LRBA: variants seen among roughly 807,000 people sequenced by gnomAD.
The protein encoded by LRBA is LPS responsive beige-like anchor protein, also known as lipopolysaccharide-responsive and beige-like anchor protein.
LRBA carries 176 observed loss-of-function variants against 330.0 expected under a neutral mutation model. That is an observed-to-expected ratio of 0.53 (90% CI 0.47 to 0.60). The LOEUF is 0.60. Ranked by LOEUF, LRBA falls within the 20% of genes least tolerant of loss-of-function variation. LRBA has a pLI of 0.00. For missense variants in LRBA, 3,259 were observed against 3,444.8 expected (o/e 0.95, Z 1.35); for synonymous variants, 1,230 against 1,193.0 (o/e 1.03, Z -0.64).
At position 150,900,226 on chromosome 4, in the gene LRBA, T is replaced by C. The variant is rs751130234; in HGVS notation, c.1756-9A>G. The C allele has an allele frequency of 2.5e-6, 4 of 1,596,060 alleles. No homozygotes were observed. The South Asian group carries it at 4.5e-5, about 18-fold the overall frequency. ...TAGAGCATCAGTTGAACCTACAGAA[T>C]AAAAATGAAGAACTTAGAGAACCCC... On this transcript the variant is annotated splice_polypyrimidine_tract_variant and intron_variant, in intron 13 of 56. Coordinates refer to ENST00000651943, the MANE Select transcript of LRBA (RefSeq NM_001364905.1).
intron 47 of LRBA, among the ~76,000 whole-genome samples, chr4:150,367,808 C>T (rs562943464): frequency 3.3e-5 from 5 of 152,100 alleles, no homozygotes; most frequent in Non-Finnish European, 5.9e-5. Context: ...AATGTCTATC[C>T]GAATGTTTTA....
intron 2 of LRBA, among the ~76,000 whole-genome samples, chr4:150,983,485 G>A (rs184020314): frequency 1.3e-4 from 17 of 132,902 alleles, no homozygotes; most frequent in Admixed American, 2.6e-4. Context: ...ATGGAGTCTC[G>A]CTCTGTCACC....
chr4:150,797,970 C>A, intron 34 of LRBA, 111 bp downstream of exon 34: 1 of 661,456 alleles, frequency 1.5e-6, no homozygotes, highest in South Asian at 2.2e-5. Context: ...AAACAGCAAA[C>A]TCACAATTTT....
chr4:150,418,343 C>T (rs180725795), intron 46 of LRBA, among the ~76,000 whole-genome samples: 38 of 152,210 alleles, frequency 2.5e-4, no homozygotes, highest in Non-Finnish European at 4.7e-4. Context: ...TTAATATTGA[C>T]ACCTTAACCT....
intron 53 of LRBA, among the ~76,000 whole-genome samples, chr4:150,292,707 A>G (rs1728470126): frequency 6.6e-6 from 1 of 152,212 alleles, no homozygotes; most frequent in Non-Finnish European, 1.5e-5. Flanking sequence ...GGAAAGGAGT[A>G]AAACACAGCC....
chr4:150,595,418 A>G (rs1773382562), intron 38 of LRBA, among the ~76,000 whole-genome samples: 1 of 152,062 alleles, frequency 6.6e-6, no homozygotes, highest in South Asian at 2.1e-4. Flanking sequence ...ATGATCTGTC[A>G]TCCCTAGAAA....
At chr4:150,696,844 C>A (rs199567652) in intron 36 of LRBA, among the ~76,000 whole-genome samples, 100 of 137,790 alleles carry the variant, frequency 7.3e-4, no homozygotes, top group Middle Eastern at 3.6e-3. Context: ...CCCATCTCCA[C>A]AAAAAAAAAA....
At chr4:150,851,032 GAGAA>G (rs1205990801) in intron 23 of LRBA, 130 bp from the exon 24 acceptor site, 3 of 576,832 alleles carry the variant, frequency 5.2e-6, no homozygotes, top group Non-Finnish European at 8.9e-6. Flanking sequence ...AACCAAATTA[GAGAA>G]AGAAAAATTA....
At chr4:150,924,532 A>C (rs1733680875) in intron 4 of LRBA, among the ~76,000 whole-genome samples, 1 of 152,062 alleles carries the variant, frequency 6.6e-6, no homozygotes, top group African/African-American at 2.4e-5. Context: ...AGAAAGAGGA[A>C]AAGAAAAAGA....
intron 9 of LRBA, 102 bp downstream of exon 9, chr4:150,914,093 C>CTTTTTT: frequency 1.4e-6 from 1 of 720,492 alleles, no homozygotes; most frequent in Non-Finnish European, 2.1e-6. Flanking sequence ...TCTCATTTTT[C>CTTTTTT]TTTTTTTTTT....
intron 46 of LRBA, among the ~76,000 whole-genome samples, chr4:150,430,884 G>C (rs1344346119): frequency 3.3e-5 from 5 of 152,004 alleles, no homozygotes; most frequent in African/African-American, 1.2e-4. Context: ...TTCTACAGGA[G>C]AGAAAGAAAA....
At chr4:150,497,098 A>G (rs925134671) in intron 40 of LRBA, among the ~76,000 whole-genome samples, 1 of 152,164 alleles carries the variant, frequency 6.6e-6, no homozygotes, top group Non-Finnish European at 1.5e-5. Flanking sequence ...TTATGTTACA[A>G]TAATTGTAAT....
At chr4:150,723,934 T>G (rs1250084776) in intron 36 of LRBA, among the ~76,000 whole-genome samples, 1 of 152,186 alleles carries the variant, frequency 6.6e-6, no homozygotes. Context: ...GAATCCCCTG[T>G]GGACCGGTGG....
At chr4:150,846,174 T>C (rs1025599660) in intron 26 of LRBA, among the ~76,000 whole-genome samples, 3 of 152,186 alleles carry the variant, frequency 2.0e-5, no homozygotes, top group African/African-American at 7.2e-5. Flanking sequence ...TATTGTATGT[T>C]CTCACTTATA....
In LRBA at chr4:150,872,337, T is replaced by C. The variant is rs191588695; in HGVS notation, c.2258+326A>G. 7.4e-4 allele frequency among the ~76,000 whole-genome samples: 113 copies of C among 152,340 alleles called. 1 individual carries two copies. In the East Asian group the frequency reaches 0.021, roughly 28 times the overall value. On this transcript the variant is annotated intron_variant, in intron 18 of 56. Transcript: ENST00000651943. ...CACTATGTGACAAACATCCAGGTTA[T>C]GTATTACTTTATAATACAGATAAAG...
intron 48 of LRBA, among the ~76,000 whole-genome samples, chr4:150,329,449 C>T (rs1246296800): frequency 6.6e-6 from 1 of 152,180 alleles, no homozygotes; most frequent in African/African-American, 2.4e-5. Context: ...CAGAGATTCT[C>T]CCTTCTGTGG....
rs1404031165 is a variant in LRBA, at chr4:150,822,076, G to T, written c.5172-4819C>A. Among the ~76,000 whole-genome samples the T allele has an allele frequency of 2.6e-5, 4 of 150,956 alleles. No individual in the cohort carries two copies. In the East Asian group the frequency reaches 7.7e-4, roughly 29 times the overall value. Reference sequence around the variant, plus strand: ...GGCAGCATGAAAGTTTTTACAAAGGGGTCTCTAAATAAGAAAAAAAAAGAG... The same window carrying T: ...GGCAGCATGAAAGTTTTTACAAAGGTGTCTCTAAATAAGAAAAAAAAAGAG... On this transcript the variant is annotated intron_variant, in intron 30 of 56. Coordinates refer to ENST00000651943, the MANE Select transcript of LRBA (RefSeq NM_001364905.1).
At chr4:150,716,930 C>T (rs1045923319) in intron 36 of LRBA, among the ~76,000 whole-genome samples, 1 of 152,150 alleles carries the variant, frequency 6.6e-6, no homozygotes. Flanking sequence ...GTTCTGTGAT[C>T]AAAGCTAAAT....
chr4:150,597,155 T>C (rs1216005738), intron 38 of LRBA: 1 of 1,045,216 alleles, frequency 9.6e-7, no homozygotes, highest in Admixed American at 2.1e-5. Context: ...ACCTTTCAAT[T>C]ACTATCGAGA....
Sources: allele counts gnomAD v4.1 joint callset (sites outside exome capture counted in the v4.1 genomes callset), GRCh38; gene constraint gnomAD v4.1.1; transcripts MANE v1.5; gene names NCBI Gene and HGNC (gene_info 2026-07-23, HGNC 2026-07-21).